The following SOX6 variants were observed in gnomAD, a reference collection of about 807,000 sequenced individuals.
The protein encoded by SOX6 is transcription factor SOX-6.
SOX6 carries 11 observed loss-of-function variants against 97.8 expected under a neutral mutation model. The observed-to-expected ratio is 0.11, with a 90% CI of 0.07 to 0.19. The LOEUF (loss-of-function observed/expected upper bound fraction) is 0.19, where lower values mean the gene tolerates loss of function less well. SOX6 is among the 10% of genes least tolerant of loss of function. SOX6 has a pLI of 1.00. For missense variants in SOX6, 810 were observed against 1,039.5 expected (o/e 0.78, Z 3.04); for synonymous variants, 360 against 371.4 (o/e 0.97, Z 0.35).
chr11:16,230,368 G>A (rs1051121552), intron 4 of SOX6, among the ~76,000 whole-genome samples: 4 of 151,632 alleles, frequency 2.6e-5, no homozygotes, highest in African/African-American at 7.3e-5. Context: ...CAAAAAGGAA[G>A]AGAAAACATA....
intron 3 of SOX6, among the ~76,000 whole-genome samples, chr11:16,680,795 C>T (rs1847921327): frequency 6.6e-6 from 1 of 152,184 alleles, no homozygotes; most frequent in African/African-American, 2.4e-5. Context: ...CAAAAAAACG[C>T]AGGGGCTGCA....
intron 1 of SOX6, among the ~76,000 whole-genome samples, chr11:16,439,814 A>G (rs543274020): frequency 6.6e-5 from 10 of 152,318 alleles, no homozygotes; most frequent in South Asian, 4.1e-4. Context: ...TTCCTACACT[A>G]TGTAATTTCA....
At chr11:16,355,463 T>C (rs1414321175) in intron 1 of SOX6, among the ~76,000 whole-genome samples, 2 of 152,088 alleles carry the variant, frequency 1.3e-5, no homozygotes, top group Non-Finnish European at 2.9e-5. Context: ...ATACTTTCAA[T>C]ACATAGTTAT....
chr11:16,212,250 G>A (rs1852251670), intron 4 of SOX6, among the ~76,000 whole-genome samples: 1 of 152,080 alleles, frequency 6.6e-6, no homozygotes, highest in Non-Finnish European at 1.5e-5. Context: ...CATTTATCCA[G>A]CAGTCTCCTG....
chr11:16,156,322 A>G (rs558074885), intron 6 of SOX6, among the ~76,000 whole-genome samples: 42 of 151,924 alleles, frequency 2.8e-4, no homozygotes, highest in African/African-American at 9.9e-4. Flanking sequence ...CTTAATCTCC[A>G]TCACATGTTC....
chr11:16,711,653 CCT>C (rs372775631), intron 3 of SOX6, among the ~76,000 whole-genome samples: 49 of 152,270 alleles, frequency 3.2e-4, no homozygotes, highest in African/African-American at 1.1e-3. Context: ...GCCAGTCTCC[CCT>C]GTTTTCACTA....
intron 1 of SOX6, among the ~76,000 whole-genome samples, chr11:16,361,732 C>T (rs1857216486): frequency 6.6e-6 from 1 of 152,094 alleles, no homozygotes; most frequent in Non-Finnish European, 1.5e-5. Context: ...AAGGAATGGC[C>T]TGATGAAGAT....
chr11:16,677,021 C>A (rs1038081132), intron 3 of SOX6, among the ~76,000 whole-genome samples: 1 of 152,152 alleles, frequency 6.6e-6, no homozygotes, highest in Admixed American at 6.5e-5. Flanking sequence ...TTTTTGGTTA[C>A]TCTATTGTTT....
chr11:16,476,501 T>C (rs1443827211), upstream of SOX6: 3 of 152,176 alleles, frequency 2.0e-5, no homozygotes, highest in African/African-American at 4.8e-5. Context: ...ACTCATGCAG[T>C]TGTCCCCATC....
chr11:16,560,943 G>A lies in SOX6; in HGVS notation n.609+51138C>T, dbSNP rs181926660. On this transcript the variant is annotated intron_variant and non_coding_transcript_variant, in intron 4 of 5. Transcript: ENST00000524520. Reference sequence around the variant, plus strand: ...TATGAGGATGCAAAGGCATAACAATGATATAATGGTCTTTGGGGCTTGGGG... The same window carrying A: ...TATGAGGATGCAAAGGCATAACAATAATATAATGGTCTTTGGGGCTTGGGG... Among the ~76,000 whole-genome samples the A allele has an allele frequency of 5.9e-5, 9 of 152,192 alleles. No individual in the cohort carries two copies. In the East Asian group the frequency reaches 1.7e-3, roughly 29 times the overall value.
intron 6 of SOX6, among the ~76,000 whole-genome samples, chr11:16,143,554 G>A (rs1850207349): frequency 6.6e-6 from 1 of 152,114 alleles, no homozygotes; most frequent in Non-Finnish European, 1.5e-5. Flanking sequence ...GACACAGATT[G>A]GCAAATTGGA....
intron 4 of SOX6, among the ~76,000 whole-genome samples, chr11:16,522,982 A>G (rs1160074796): frequency 6.6e-6 from 1 of 152,218 alleles, no homozygotes; most frequent in Non-Finnish European, 1.5e-5. Flanking sequence ...TTCATAAAGC[A>G]AGTCCTTAGA....
chr11:16,084,963 A>G (rs1303874438), intron 9 of SOX6, among the ~76,000 whole-genome samples: 1 of 152,218 alleles, frequency 6.6e-6, no homozygotes, highest in Non-Finnish European at 1.5e-5. Context: ...CCATTGATAA[A>G]TGAACGGAGA....
At chr11:16,481,163 A>G (rs978984694), upstream of SOX6, among the ~76,000 whole-genome samples, 5 of 152,094 alleles carry the variant, frequency 3.3e-5, no homozygotes, top group Admixed American at 2.0e-4. Context: ...TTGCAGCTTT[A>G]CTAGATTAAA....
intron 3 of SOX6, among the ~76,000 whole-genome samples, chr11:16,708,882 G>A (rs959051175): frequency 1.3e-5 from 2 of 152,072 alleles, no homozygotes; most frequent in African/African-American, 2.4e-5. Flanking sequence ...TATACTATAA[G>A]ATGTGATGTT....
At chr11:16,347,462 T>C (rs1856800512) in intron 1 of SOX6, among the ~76,000 whole-genome samples, 1 of 152,142 alleles carries the variant, frequency 6.6e-6, no homozygotes, top group Non-Finnish European at 1.5e-5. Context: ...GATTTTAATC[T>C]AGCACAATGA....
intron 3 of SOX6, among the ~76,000 whole-genome samples, chr11:16,612,818 G>C (rs950339321): frequency 1.2e-4 from 19 of 152,008 alleles, no homozygotes; most frequent in African/African-American, 4.4e-4. Flanking sequence ...CTCTGCACAA[G>C]GGCAGCTGGA....
upstream of SOX6, among the ~76,000 whole-genome samples, chr11:16,359,717 C>G (rs957858346): frequency 1.3e-5 from 2 of 151,574 alleles, no homozygotes; most frequent in Non-Finnish European, 2.9e-5. Flanking sequence ...GAGTAGGGAA[C>G]GAAGAGGAGG....
chr11:16,451,983 A>AAACT (rs140349010), intron 1 of SOX6, among the ~76,000 whole-genome samples: 2 of 143,864 alleles, frequency 1.4e-5, no homozygotes, highest in African/African-American at 5.2e-5. Context: ...ACCCTATCTA[A>AAACT]AAATAAATAA....
Sources: gnomAD v4.1 joint callset for allele counts (sites outside exome capture counted in the v4.1 genomes callset) on GRCh38, gnomAD v4.1.1 for gene constraint, MANE v1.5 for transcripts, NCBI Gene and HGNC (gene_info 2026-07-23, HGNC 2026-07-21) for gene names.